DPP4: variants seen among roughly 807,000 people sequenced by gnomAD.
The protein encoded by DPP4 is ADCP-2.
A neutral mutation model predicts 122.4 loss-of-function variants in DPP4; 93 were observed. That is an observed-to-expected ratio of 0.76 (90% CI 0.64 to 0.90). DPP4 has a LOEUF of 0.90. Ranked by LOEUF, DPP4 falls within the 40% of genes least tolerant of loss-of-function variation. The pLI is 0.00. For synonymous variants in DPP4, 321 were observed against 302.9 expected (o/e 1.06, Z -0.62); for missense variants, 914 against 907.3 (o/e 1.01, Z -0.09).
intron 22 of DPP4, among the ~76,000 whole-genome samples, chr2:162,006,521 A>AT (rs111950674): frequency 7.7e-4 from 117 of 152,236 alleles, no homozygotes; most frequent in African/African-American, 2.8e-3. Context: ...TGAAGCCTCA[A>AT]TTTTTGTGGT....
At chr2:162,053,762 G>C (rs1684467439) in intron 2 of DPP4, among the ~76,000 whole-genome samples, 1 of 152,228 alleles carries the variant, frequency 6.6e-6, no homozygotes, top group South Asian at 2.1e-4. Flanking sequence ...CAGAAGCATA[G>C]AGTGCACAAG....
intron 2 of DPP4, among the ~76,000 whole-genome samples, chr2:162,049,852 A>C (rs950743258): frequency 3.3e-5 from 5 of 152,202 alleles, no homozygotes; most frequent in African/African-American, 1.2e-4. Flanking sequence ...TGTTTCAAGA[A>C]ATAAAAATGC....
At chr2:162,069,239 A>G (rs1009348600) in intron 2 of DPP4, among the ~76,000 whole-genome samples, 1 of 152,190 alleles carries the variant, frequency 6.6e-6, no homozygotes, top group African/African-American at 2.4e-5. Flanking sequence ...TGAAAAATAC[A>G]TTGAAAGCCC....
At chr2:162,069,461 A>AT (rs1685046860) in intron 2 of DPP4, among the ~76,000 whole-genome samples, 1 of 152,170 alleles carries the variant, frequency 6.6e-6, no homozygotes, top group Non-Finnish European at 1.5e-5. Flanking sequence ...AGTAGTCTTC[A>AT]TTTTCTCTCT....
At chr2:162,060,165 G>C (rs1298090480) in intron 2 of DPP4, among the ~76,000 whole-genome samples, 3 of 152,158 alleles carry the variant, frequency 2.0e-5, no homozygotes, top group Admixed American at 2.0e-4. Flanking sequence ...ATGCTTTCTT[G>C]GCATTTTTTT....
At chr2:162,059,721 A>C (rs1324725515) in intron 2 of DPP4, among the ~76,000 whole-genome samples, 1 of 152,234 alleles carries the variant, frequency 6.6e-6, no homozygotes, top group East Asian at 1.9e-4. Context: ...CCCCGATATA[A>C]GAAAAAACAA....
chr2:162,019,234 C>G lies in DPP4; in HGVS notation c.1287G>C (p.Arg429Ser). The G allele has an allele frequency of 6.3e-7, 1 of 1,597,312 alleles. No individual in the cohort carries two copies. The highest frequency in any genetic ancestry group is 8.6e-7 in the Non-Finnish European group (1 of 1,168,140). ...GACAGAGCTCTTACTTATAAAGATT[C>G]CTTCCTCCTGGCATTCCTTTATATT... ...SNEYKGMPGG[R>S]NLYKIQLSDY... The change falls in exon 15 of 26, where the codon AGG becomes AGC. Residue 429 changes from arginine (R) to serine (S), a missense_variant. Arg to Ser is a moderately radical substitution (Grantham distance 110). Transcript: ENST00000360534.
At chr2:162,073,544 A>T in intron 1 of DPP4, 58 bp from the exon 2 acceptor site, 2 of 1,560,664 alleles carry the variant, frequency 1.3e-6, no homozygotes, top group Non-Finnish European at 1.8e-6. Context: ...CAGTTTCCGT[A>T]GGAGGGTCGG....
chr2:162,028,032 C>T (rs1683397273), intron 10 of DPP4, among the ~76,000 whole-genome samples: 1 of 149,748 alleles, frequency 6.7e-6, no homozygotes, highest in African/African-American at 2.5e-5. Flanking sequence ...AAGATTATGC[C>T]AGTCTGAGAT....
At chr2:162,000,593 C>A (rs1377225251) in intron 23 of DPP4, among the ~76,000 whole-genome samples, 1 of 152,178 alleles carries the variant, frequency 6.6e-6, no homozygotes, top group Non-Finnish European at 1.5e-5. Context: ...CAAAATTGCA[C>A]CCTGTTTTGC....
At chr2:162,018,683 G>C in intron 16 of DPP4, 46 bp downstream of exon 16, 2 of 1,600,982 alleles carry the variant, frequency 1.2e-6, no homozygotes, top group Non-Finnish European at 1.7e-6. Context: ...GCTTCGAAGT[G>C]AGTAACAGCG....
intron 23 of DPP4, among the ~76,000 whole-genome samples, chr2:161,999,140 C>T (rs1322049809): frequency 1.3e-5 from 2 of 152,096 alleles, no homozygotes; most frequent in African/African-American, 4.8e-5. Flanking sequence ...GTCACCTTGC[C>T]TCTGGAACCA....
At chr2:162,064,069 C>T (rs1053100848) in intron 2 of DPP4, among the ~76,000 whole-genome samples, 3 of 152,116 alleles carry the variant, frequency 2.0e-5, no homozygotes, top group Non-Finnish European at 4.4e-5. Flanking sequence ...ACTGATGAGC[C>T]GGTGAGAATT....
At chr2:162,055,169 G>A (rs1413817814) in intron 2 of DPP4, among the ~76,000 whole-genome samples, 1 of 152,202 alleles carries the variant, frequency 6.6e-6, no homozygotes, top group Non-Finnish European at 1.5e-5. Context: ...TTTAGGATAA[G>A]TGCAATCTAA....
intron 16 of DPP4, 51 bp downstream of exon 16, chr2:162,018,678 G>A (rs1683006140): frequency 1.9e-6 from 3 of 1,592,176 alleles, no homozygotes; most frequent in Admixed American, 1.8e-5. Flanking sequence ...GAGCTGCTTC[G>A]AAGTGAGTAA....
intron 18 of DPP4, among the ~76,000 whole-genome samples, chr2:162,016,253 TTCTTACTGGTC>T (rs753081562): frequency 6.6e-6 from 1 of 152,196 alleles, no homozygotes; most frequent in African/African-American, 2.4e-5. Flanking sequence ...AAACCCATTG[TTCTTACTGGTC>T]TCTGAACATA....
At chr2:162,036,566 C>G (rs1683777623) in intron 8 of DPP4, among the ~76,000 whole-genome samples, 1 of 152,176 alleles carries the variant, frequency 6.6e-6, no homozygotes, top group Non-Finnish European at 1.5e-5. Flanking sequence ...TCCTTTGACT[C>G]ATGCTTTTCA....
chr2:161,999,774 G>A (rs1464673230), intron 23 of DPP4, among the ~76,000 whole-genome samples: 1 of 152,196 alleles, frequency 6.6e-6, no homozygotes, highest in Non-Finnish European at 1.5e-5. Flanking sequence ...TACCCCTAGT[G>A]CCATCTAGGA....
chr2:162,014,332 C>T, intron 19 of DPP4, 64 bp downstream of exon 19: 2 of 1,363,654 alleles, frequency 1.5e-6, no homozygotes, highest in East Asian at 4.7e-5. Flanking sequence ...TTTCAGTAAG[C>T]TGCACTGAGA....
Sources: allele counts gnomAD v4.1 joint callset (sites outside exome capture counted in the v4.1 genomes callset), GRCh38; gene constraint gnomAD v4.1.1; transcripts MANE v1.5; gene names NCBI Gene and HGNC (gene_info 2026-07-23, HGNC 2026-07-21).